The following CSMD1 variants were observed in gnomAD, a reference collection of about 807,000 sequenced individuals.
CSMD1 encodes the protein CUB and sushi domain-containing protein 1.
In CSMD1, 213 loss-of-function variants were observed where a neutral mutation model predicts 417.5. The observed-to-expected ratio is 0.51, with a 90% CI of 0.46 to 0.57. The LOEUF (loss-of-function observed/expected upper bound fraction) is 0.57. Ranked by LOEUF, CSMD1 falls within the 20% of genes least tolerant of loss-of-function variation. CSMD1 has a pLI of 0.00. For missense variants in CSMD1, 6,923 were observed against 4,529.7 expected (o/e 1.53, Z -15.17); for synonymous variants, 2,862 against 1,736.8 (o/e 1.65, Z -16.11).
chr8:4,147,154 T>C (rs985053059), intron 3 of CSMD1, among the ~76,000 whole-genome samples: 2 of 151,946 alleles, frequency 1.3e-5, no homozygotes, highest in African/African-American at 2.4e-5. Context: ...TGATTCTTCT[T>C]CTACTCTCCC....
chr8:4,755,060 C>T (rs190327291), intron 1 of CSMD1, among the ~76,000 whole-genome samples: 1 of 152,260 alleles, frequency 6.6e-6, no homozygotes, highest in African/African-American at 2.4e-5. Flanking sequence ...ATTGCTTGAA[C>T]CCGGGAGGCG....
chr8:3,919,205 A>G lies in CSMD1; in HGVS notation c.818+78698T>C, dbSNP rs1284524861. Among the ~76,000 whole-genome samples, 265 of 148,798 alleles carry G rather than the reference A, an allele frequency of 1.8e-3. 2 individuals are homozygous for G. Among genetic ancestry groups the G allele is most frequent in the Non-Finnish European group, 1.6e-3 (110 of 67,404 alleles). On this transcript the variant is annotated intron_variant, in intron 5 of 69. Coordinates refer to ENST00000635120, the MANE Select transcript of CSMD1 (RefSeq NM_033225.6). ...TATCCAAAAAAAAAAAAAAAAAAAA[A>G]AAAAAGAAAGAAATCATTGTCAAGA...
chr8:2,956,896 C>T (rs1011173373), intron 63 of CSMD1, among the ~76,000 whole-genome samples: 3 of 151,914 alleles, frequency 2.0e-5, no homozygotes, highest in Non-Finnish European at 4.4e-5. Context: ...TATGTATATA[C>T]ATATATATGT....
At chr8:3,339,044 T>C (rs1395172742) in intron 23 of CSMD1, among the ~76,000 whole-genome samples, 2 of 140,010 alleles carry the variant, frequency 1.4e-5, no homozygotes, top group Non-Finnish European at 3.0e-5. Context: ...GTCCATGTGA[T>C]CTCATTGTTC....
At chr8:4,610,972 T>C (rs1253774474) in intron 2 of CSMD1, among the ~76,000 whole-genome samples, 1 of 152,244 alleles carries the variant, frequency 6.6e-6, no homozygotes, top group African/African-American at 2.4e-5. Flanking sequence ...AAACTTAGTA[T>C]CTGCATCCTT....
At chr8:3,825,130 G>C (rs1370126443) in intron 5 of CSMD1, among the ~76,000 whole-genome samples, 1 of 152,132 alleles carries the variant, frequency 6.6e-6, no homozygotes, top group South Asian at 2.1e-4. Flanking sequence ...TTGAAAGGAA[G>C]CACAGGGGAG....
chr8:4,620,892 G>C (rs745543248), intron 2 of CSMD1, among the ~76,000 whole-genome samples: 13 of 151,416 alleles, frequency 8.6e-5, no homozygotes, highest in African/African-American at 3.2e-4. Flanking sequence ...GAGAAAAATT[G>C]AGTAAAGTAA....
At chr8:4,306,535 C>A (rs960138875) in intron 3 of CSMD1, among the ~76,000 whole-genome samples, 1 of 152,152 alleles carries the variant, frequency 6.6e-6, no homozygotes, top group Admixed American at 6.6e-5. Flanking sequence ...ATCTTGAAGA[C>A]AAAATTTTCT....
intron 1 of CSMD1, among the ~76,000 whole-genome samples, chr8:4,847,372 T>C (rs984728661): frequency 6.6e-6 from 1 of 152,214 alleles, no homozygotes; most frequent in Non-Finnish European, 1.5e-5. Context: ...CATTTTCAGA[T>C]ACCAAATAAA....
At chr8:3,464,431 G>C (rs886814714) in intron 12 of CSMD1, among the ~76,000 whole-genome samples, 1 of 151,868 alleles carries the variant, frequency 6.6e-6, no homozygotes, top group African/African-American at 2.4e-5. Flanking sequence ...ATTTTCTGTG[G>C]ACTAACAATC....
intron 3 of CSMD1, among the ~76,000 whole-genome samples, chr8:4,192,806 T>C (rs148572843): frequency 1.0e-3 from 154 of 152,340 alleles, no homozygotes; most frequent in African/African-American, 3.5e-3. Context: ...CACAACCTCC[T>C]CACTCATTAC....
intron 3 of CSMD1, among the ~76,000 whole-genome samples, chr8:4,065,529 G>A (rs1231377925): frequency 1.3e-5 from 2 of 149,646 alleles, no homozygotes; most frequent in East Asian, 4.0e-4. Flanking sequence ...ACGGTATCAA[G>A]AAACTGTATG....
chr8:4,949,406 A>C lies in CSMD1; in HGVS notation c.85+44926T>G, dbSNP rs537287803. ...CATCTATACCTTCAACATGTGGTGAAACTTTCCTGGAAAATTATTTGAGTA... is the reference window on the plus strand; with the variant it reads ...CATCTATACCTTCAACATGTGGTGACACTTTCCTGGAAAATTATTTGAGTA... On this transcript the variant is annotated intron_variant, in intron 1 of 69. Transcript: ENST00000635120. Among the ~76,000 whole-genome samples the C allele has an allele frequency of 2.6e-5, 4 of 152,306 alleles. No homozygotes were observed. In the East Asian group the frequency reaches 7.7e-4, roughly 29 times the overall value.
intron 26 of CSMD1, among the ~76,000 whole-genome samples, chr8:3,281,944 G>A (rs1584924085): frequency 6.6e-6 from 1 of 152,086 alleles, no homozygotes; most frequent in East Asian, 1.9e-4. Flanking sequence ...TTAAAAGCAC[G>A]TAGCACCTTC....
At chr8:3,872,069 C>T (rs946705153) in intron 5 of CSMD1, among the ~76,000 whole-genome samples, 2 of 152,186 alleles carry the variant, frequency 1.3e-5, no homozygotes, top group African/African-American at 4.8e-5. Flanking sequence ...AGGATACAAC[C>T]TGCTGAAAGG....
intron 1 of CSMD1, among the ~76,000 whole-genome samples, chr8:4,921,579 A>T (rs1464641817): frequency 2.6e-5 from 4 of 152,226 alleles, no homozygotes; most frequent in Non-Finnish European, 4.4e-5. Context: ...GCTTATTAAC[A>T]TACAATGCAT....
At chr8:4,164,691 T>C (rs900796894) in intron 3 of CSMD1, among the ~76,000 whole-genome samples, 1 of 152,102 alleles carries the variant, frequency 6.6e-6, no homozygotes, top group African/African-American at 2.4e-5. Context: ...TTTTAAAATA[T>C]GTTGCTGAGG....
intron 12 of CSMD1, among the ~76,000 whole-genome samples, chr8:3,424,397 G>C (rs912141057): frequency 6.6e-6 from 1 of 152,228 alleles, no homozygotes; most frequent in African/African-American, 2.4e-5. Flanking sequence ...TGCATTCATT[G>C]AGAGTGTACC....
intron 23 of CSMD1, among the ~76,000 whole-genome samples, chr8:3,320,038 G>A (rs1037303354): frequency 1.3e-5 from 2 of 152,068 alleles, no homozygotes; most frequent in Non-Finnish European, 1.5e-5. Context: ...GTCTGGCCCA[G>A]AACCTCATCA....
Sources: allele counts gnomAD v4.1 joint callset (sites outside exome capture counted in the v4.1 genomes callset), GRCh38; gene constraint gnomAD v4.1.1; transcripts MANE v1.5; gene names NCBI Gene and HGNC (gene_info 2026-07-23, HGNC 2026-07-21).